STK32B: variants seen among roughly 807,000 people sequenced by gnomAD.
STK32B encodes serine/threonine kinase 32B.
In STK32B, 43 loss-of-function variants were observed where a neutral mutation model predicts 52.6. The observed-to-expected ratio is 0.82, with a 90% confidence interval of 0.64 to 1.05. The LOEUF is 1.05. STK32B is among the 50% of genes least tolerant of loss of function. STK32B has a pLI of 0.00. For synonymous variants in STK32B, 238 were observed against 204.3 expected (o/e 1.17, Z -1.41); for missense variants, 621 against 534.6 (o/e 1.16, Z -1.59).
chr4:5,331,259 G>A lies in STK32B; in HGVS notation c.300G>A (p.Val100=), dbSNP rs61729660. 2,096 of 1,613,810 alleles carry A rather than the reference G, an allele frequency of 1.3e-3. 17 individuals are homozygous for A. The African/African-American group carries it at 0.025, about 19-fold the overall frequency. ...ATGAGGAGGACATGTTCATGGTGGT[G>A]GACCTGCTCCTGGGAGGCGACCTGC... ...FQDEEDMFMV[V]DLLLGGDLRY... Residue 100 remains valine (V), a synonymous_variant, in exon 4 of 12, where the codon GTG becomes GTA. Transcript: ENST00000282908.
chr4:5,164,348 C>G (rs1010037714), intron 2 of STK32B, among the ~76,000 whole-genome samples: 1 of 152,122 alleles, frequency 6.6e-6, no homozygotes, highest in East Asian at 1.9e-4. Flanking sequence ...AGCCTTCCGC[C>G]TGGATGTGTC....
At chr4:5,437,946 G>C (rs1714244000) in intron 6 of STK32B, 2 of 985,502 alleles carry the variant, frequency 2.0e-6, no homozygotes, top group Non-Finnish European at 2.4e-6. Flanking sequence ...GTGTGTGGGG[G>C]AGGAGGGAAT....
intron 5 of STK32B, among the ~76,000 whole-genome samples, chr4:5,416,136 A>C (rs1431390824): frequency 6.6e-6 from 1 of 152,020 alleles, no homozygotes; most frequent in Non-Finnish European, 1.5e-5. Context: ...ACTGACCAAA[A>C]TTTCCCAAAA....
chr4:5,304,237 G>T (rs746526265), intron 3 of STK32B, among the ~76,000 whole-genome samples: 159 of 152,108 alleles, frequency 1.0e-3, no homozygotes, highest in Non-Finnish European at 1.1e-3. Context: ...ATATTGATGG[G>T]AATTGCATTG....
chr4:5,049,105 C>T (rs1256087049), upstream of STK32B, among the ~76,000 whole-genome samples: 1 of 152,214 alleles, frequency 6.6e-6, no homozygotes, highest in Non-Finnish European at 1.5e-5. Context: ...GAGAACTTTG[C>T]ACCAGTAGCC....
chr4:5,448,591 G>C (rs1378032945), intron 7 of STK32B, among the ~76,000 whole-genome samples: 1 of 152,204 alleles, frequency 6.6e-6, no homozygotes, highest in Non-Finnish European at 1.5e-5. Flanking sequence ...CTCAAGGATG[G>C]AGTGGTCCTT....
At chr4:5,347,106 G>A (rs914238072) in intron 4 of STK32B, among the ~76,000 whole-genome samples, 4 of 152,222 alleles carry the variant, frequency 2.6e-5, no homozygotes, top group Non-Finnish European at 5.9e-5. Flanking sequence ...GTGAGGACAT[G>A]AGATTTGGGT....
rs77474061 is a variant in STK32B at position 5,190,110 on chromosome 4, G to A, written c.260+21660G>A. On this transcript the variant is annotated intron_variant, in intron 3 of 11. Transcript: ENST00000282908. ...GGAAACCAGAATCAGAATAGAACAC[G>A]TTAGTCCTCTAAACCCAAAAGAAAT... 3.6e-3 allele frequency among the ~76,000 whole-genome samples: 550 copies of A among 152,250 alleles called. 5 individuals are homozygous for A. The highest frequency in any genetic ancestry group is 8.2e-3 in the African/African-American group (341 of 41,546).
In STK32B at chr4:5,174,404, C is replaced by G. The variant is rs145096964; in HGVS notation, c.260+5954C>G. ...GCAGTTTCTTCCTAGCCTCGATGGT[C>G]TTTACAATTTGGCATGTTTTTGCAG... On this transcript the variant is annotated intron_variant, in intron 3 of 11. Coordinates refer to ENST00000282908, the MANE Select transcript of STK32B (RefSeq NM_018401.3). 1.0e-2 allele frequency among the ~76,000 whole-genome samples: 1,516 copies of G among 152,266 alleles called. 21 individuals are homozygous for G. The highest frequency in any genetic ancestry group is 0.034 in the African/African-American group (1,405 of 41,558).
intron 1 of STK32B, among the ~76,000 whole-genome samples, chr4:5,117,170 A>C (rs1184699646): frequency 1.3e-5 from 2 of 152,218 alleles, no homozygotes; most frequent in African/African-American, 4.8e-5. Flanking sequence ...GACCTCCAGC[A>C]CTAAGATGAA....
At chr4:5,459,294 C>CA (rs1716845906) in intron 8 of STK32B, among the ~76,000 whole-genome samples, 1 of 128,838 alleles carries the variant, frequency 7.8e-6, no homozygotes, top group Admixed American at 7.6e-5. Flanking sequence ...CCCCCCCCCC[C>CA]ACCTTTCTAA....
intron 1 of STK32B, among the ~76,000 whole-genome samples, chr4:5,094,845 T>C (rs906402427): frequency 2.6e-5 from 4 of 152,148 alleles, no homozygotes; most frequent in South Asian, 2.1e-4. Context: ...TTCTCAAGGG[T>C]CAACTTACTT....
chr4:5,492,552 T>C (rs34991540), intron 11 of STK32B, among the ~76,000 whole-genome samples: 50,839 of 150,720 alleles, frequency 0.34, 9,442 homozygotes, highest in Non-Finnish European at 0.43. Context: ...CTTTTCCTAA[T>C]TGAATACCCT....
chr4:5,322,791 G>C (rs927082144), intron 3 of STK32B, among the ~76,000 whole-genome samples: 1 of 152,106 alleles, frequency 6.6e-6, no homozygotes, highest in African/African-American at 2.4e-5. Context: ...TCACTCATCA[G>C]GTAAGAGGAG....
chr4:5,467,878 T>A lies in STK32B; in HGVS notation c.1042-128T>A, dbSNP rs774092972. ...TCAGGGTCAGCCCCAGACACTTAGC[T>A]TGGCTTGTCCCGGTCCCAAGCATCT... On this transcript the variant is annotated intron_variant, in intron 10 of 11. Coordinates refer to ENST00000282908, the MANE Select transcript of STK32B (RefSeq NM_018401.3). This position sits in a 1 kb window ranked among gnomAD's most constrained non-coding sequence, Gnocchi z 5.8. 9.7e-7 allele frequency: 1 copy of A among 1,027,196 alleles called. No individual in the cohort carries two copies. The highest frequency in any genetic ancestry group is 1.5e-6 in the Non-Finnish European group (1 of 670,918). The allele number at this position is 1,027,196 out of a possible 1,614,324, so 63.6% of individuals were successfully genotyped here.
the STK32B span, among the ~76,000 whole-genome samples, chr4:5,045,588 T>A: frequency 6.6e-6 from 1 of 152,220 alleles, no homozygotes; most frequent in African/African-American, 2.4e-5. Flanking sequence ...TCTTATTTCC[T>A]TGAGCAGTGG....
intron 4 of STK32B, among the ~76,000 whole-genome samples, chr4:5,333,021 T>TG (rs1732380923): frequency 6.6e-6 from 1 of 152,210 alleles, no homozygotes; most frequent in African/African-American, 2.4e-5. Flanking sequence ...AGTAATGGGA[T>TG]GGCTGGGTCA....
At chr4:5,390,471 C>T (rs944225977) in intron 4 of STK32B, among the ~76,000 whole-genome samples, 9 of 152,134 alleles carry the variant, frequency 5.9e-5, no homozygotes, top group Non-Finnish European at 1.3e-4. Context: ...CGTGTTCAGC[C>T]CTTATGTAAG....
chr4:5,381,310 A>G (rs1278196130), intron 4 of STK32B, among the ~76,000 whole-genome samples: 1 of 152,202 alleles, frequency 6.6e-6, no homozygotes, highest in Non-Finnish European at 1.5e-5. Flanking sequence ...GACTTAGAGC[A>G]TTTAAGTCTC....
Sources: allele counts gnomAD v4.1 joint callset (sites outside exome capture counted in the v4.1 genomes callset), GRCh38; gene constraint gnomAD v4.1.1; non-coding constraint Gnocchi (gnomAD v3.1); transcripts MANE v1.5; gene names NCBI Gene and HGNC (gene_info 2026-07-23, HGNC 2026-07-21).